Variants in PTPRT observed in about 807,000 individuals in gnomAD.
The protein encoded by PTPRT is receptor-type tyrosine-protein phosphatase T.
A neutral mutation model predicts 176.8 loss-of-function variants in PTPRT; 56 were observed. That is an observed-to-expected ratio of 0.32 (90% CI 0.26 to 0.40). The LOEUF (loss-of-function observed/expected upper bound fraction) is 0.40. Ranked by LOEUF, PTPRT falls within the 10% of genes least tolerant of loss-of-function variation. PTPRT has a pLI of 1.00. For synonymous variants in PTPRT, 783 were observed against 739.0 expected (o/e 1.06, Z -0.96); for missense variants, 1,540 against 1,908.2 (o/e 0.81, Z 3.60).
chr20:42,100,844 C>T (rs919308363), intron 26 of PTPRT, among the ~76,000 whole-genome samples: 4 of 152,196 alleles, frequency 2.6e-5, no homozygotes, highest in African/African-American at 9.7e-5. Flanking sequence ...CAAGCCAAGA[C>T]TCCCTGATTC....
At chr20:42,480,886 G>T (rs184885857) in intron 7 of PTPRT, among the ~76,000 whole-genome samples, 13 of 152,262 alleles carry the variant, frequency 8.5e-5, no homozygotes, top group African/African-American at 2.9e-4. Flanking sequence ...CAGTATACAA[G>T]CATTTATTAG....
intron 9 of PTPRT, among the ~76,000 whole-genome samples, chr20:42,436,169 T>C (rs1413375540): frequency 2.6e-5 from 4 of 152,216 alleles, no homozygotes; most frequent in African/African-American, 9.7e-5. Context: ...TAGGCAATCA[T>C]CTTTCTCACC....
intron 6 of PTPRT, among the ~76,000 whole-genome samples, chr20:42,699,395 C>T (rs985226631): frequency 6.6e-6 from 1 of 152,102 alleles, no homozygotes; most frequent in Non-Finnish European, 1.5e-5. Flanking sequence ...TTCCAAAGTG[C>T]AGTACATGAG....
chr20:42,779,339 G>A (rs1341478459), intron 4 of PTPRT, among the ~76,000 whole-genome samples: 4 of 152,184 alleles, frequency 2.6e-5, no homozygotes, highest in South Asian at 2.1e-4. Flanking sequence ...ATGCCCATAT[G>A]GGAGGAGTGG....
At chr20:42,369,797 T>C (rs1434271364) in intron 9 of PTPRT, among the ~76,000 whole-genome samples, 6 of 152,206 alleles carry the variant, frequency 3.9e-5, no homozygotes, top group Non-Finnish European at 2.9e-5. Context: ...TCCAATTGTA[T>C]GTCCATGATG....
chr20:42,178,826 C>T (rs1314257030), intron 16 of PTPRT, among the ~76,000 whole-genome samples: 1 of 152,176 alleles, frequency 6.6e-6, no homozygotes, highest in Non-Finnish European at 1.5e-5. Context: ...CAGTTCCTTG[C>T]TGGCTGTTGG....
chr20:42,614,789 G>C (rs1482294245), intron 7 of PTPRT, among the ~76,000 whole-genome samples: 4 of 152,088 alleles, frequency 2.6e-5, no homozygotes, highest in African/African-American at 4.8e-5. Flanking sequence ...TGCACTTACA[G>C]TTCCACATGG....
At chr20:42,744,154 C>A (rs554963943) in intron 6 of PTPRT, among the ~76,000 whole-genome samples, 2 of 152,176 alleles carry the variant, frequency 1.3e-5, no homozygotes, top group East Asian at 3.9e-4. Flanking sequence ...ACCAGTCCTC[C>A]GACTCCTAGT....
intron 16 of PTPRT, among the ~76,000 whole-genome samples, chr20:42,193,316 C>T (rs6130073): frequency 0.31 from 46,961 of 152,180 alleles, 8,242 homozygotes; most frequent in East Asian, 0.38. Flanking sequence ...CAGTACCTGG[C>T]CCCAGGCCTC....
intron 7 of PTPRT, among the ~76,000 whole-genome samples, chr20:42,569,404 T>A (rs1418390611): frequency 3.3e-5 from 5 of 152,048 alleles, no homozygotes; most frequent in African/African-American, 1.2e-4. Flanking sequence ...AGTAGCTGCA[T>A]AATAAATAAT....
chr20:42,125,297 G>T (rs1284604074), intron 19 of PTPRT, among the ~76,000 whole-genome samples: 2 of 152,152 alleles, frequency 1.3e-5, no homozygotes, highest in Admixed American at 1.3e-4. Flanking sequence ...TTGTGGGGTG[G>T]CATCATTATC....
At chr20:42,150,858 T>G (rs1247878878) in intron 17 of PTPRT, among the ~76,000 whole-genome samples, 5 of 152,176 alleles carry the variant, frequency 3.3e-5, no homozygotes, top group African/African-American at 1.2e-4. Context: ...CTCTATTTAT[T>G]AAAACTCATA....
At position 42,485,910 on chromosome 20, in the gene PTPRT, C is replaced by G. The variant is rs116617266; in HGVS notation, c.1154-13348G>C. 4.8e-3 allele frequency among the ~76,000 whole-genome samples: 726 copies of G among 152,232 alleles called. 7 individuals are homozygous for G. Among genetic ancestry groups the G allele is most frequent in the African/African-American group, 0.017 (693 of 41,518 alleles). ...CAGTTGAGGGAGGCTTATTTTCTGT[C>G]GAATCTCATTTGGGACTTACCTAGG... On this transcript the variant is annotated intron_variant, in intron 7 of 30. Transcript: ENST00000373187.
the PTPRT span, among the ~76,000 whole-genome samples, chr20:42,033,907 A>G: frequency 6.6e-6 from 1 of 152,194 alleles, no homozygotes; most frequent in Non-Finnish European, 1.5e-5. Flanking sequence ...GAATGGTTTT[A>G]TGTATGAATT....
At chr20:42,712,872 C>T (rs1407586298) in intron 6 of PTPRT, among the ~76,000 whole-genome samples, 1 of 152,104 alleles carries the variant, frequency 6.6e-6, no homozygotes, top group Non-Finnish European at 1.5e-5. Context: ...AAACTGAAAG[C>T]AATCCAAATG....
At chr20:42,039,692 G>GTATATA in the PTPRT span, among the ~76,000 whole-genome samples, 185 of 113,284 alleles carry the variant, frequency 1.6e-3, 11 homozygotes, top group African/African-American at 5.3e-3. Context: ...ATTCTGTTGT[G>GTATATA]TATATATATA....
intron 1 of PTPRT, among the ~76,000 whole-genome samples, chr20:43,184,829 G>A (rs2015351248): frequency 6.6e-6 from 1 of 151,952 alleles, no homozygotes; most frequent in Non-Finnish European, 1.5e-5. Flanking sequence ...ATCCTCACTG[G>A]GTCCCTCTGT....
intron 1 of PTPRT, among the ~76,000 whole-genome samples, chr20:43,114,118 T>C (rs574748754): frequency 3.9e-5 from 6 of 152,194 alleles, no homozygotes; most frequent in Non-Finnish European, 5.9e-5. Flanking sequence ...CCCTAGGTAT[T>C]ATAAGGGAAT....
At chr20:42,427,788 C>G (rs2059179490) in intron 9 of PTPRT, among the ~76,000 whole-genome samples, 1 of 152,148 alleles carries the variant, frequency 6.6e-6, no homozygotes, top group Non-Finnish European at 1.5e-5. Flanking sequence ...GACATTCCAC[C>G]ATTGTGATTT....
Sources: allele counts gnomAD v4.1 joint callset (sites outside exome capture counted in the v4.1 genomes callset), GRCh38; gene constraint gnomAD v4.1.1; transcripts MANE v1.5; gene names NCBI Gene and HGNC (gene_info 2026-07-23, HGNC 2026-07-21).